Variants in NLK observed in about 807,000 individuals in gnomAD.
The protein encoded by NLK is serine/threonine-protein kinase NLK.
A neutral mutation model predicts 59.0 loss-of-function variants in NLK; 11 were observed. The observed-to-expected ratio is 0.19, with a 90% CI of 0.12 to 0.31. The LOEUF is 0.31. Among genes scored for constraint, NLK ranks in the 10% least tolerant of loss-of-function variants. NLK has a pLI of 1.00. For synonymous variants in NLK, 235 were observed against 235.9 expected (o/e 1.00, Z 0.03); for missense variants, 410 against 661.1 (o/e 0.62, Z 4.16).
intron 6 of NLK, among the ~76,000 whole-genome samples, chr17:28,170,194 A>G (rs1049701355): frequency 6.6e-6 from 1 of 152,236 alleles, no homozygotes; most frequent in African/African-American, 2.4e-5. Context: ...GCTGTAGGAA[A>G]TGAGGTCAGA....
At chr17:28,088,557 T>G (rs1904365440) in intron 1 of NLK, among the ~76,000 whole-genome samples, 1 of 152,250 alleles carries the variant, frequency 6.6e-6, no homozygotes, top group African/African-American at 2.4e-5. Context: ...GTTAATTAAC[T>G]TATGGATTTA....
intron 4 of NLK, among the ~76,000 whole-genome samples, chr17:28,163,325 A>G (rs1304412212): frequency 1.3e-5 from 2 of 152,220 alleles, no homozygotes; most frequent in Non-Finnish European, 1.5e-5. Flanking sequence ...TAAATTATAG[A>G]CATTATCTCT....
intron 8 of NLK, 66 bp downstream of exon 8, chr17:28,185,331 G>T: frequency 1.9e-6 from 2 of 1,064,258 alleles, no homozygotes; most frequent in Non-Finnish European, 2.7e-6. Flanking sequence ...GAGAAACATT[G>T]TGGTTTTGAA....
chr17:28,112,879 G>GT lies in NLK; in HGVS notation c.459-9715dup, dbSNP rs552431528. Reference sequence around the variant, plus strand: ...TTGTGTAATGATGAAGGAAATGTTTGTTTTTTTTTAAGCAAGCAGATTCCT... The same window carrying GT: ...TTGTGTAATGATGAAGGAAATGTTTGTTTTTTTTTTAAGCAAGCAGATTCCT... On this transcript the variant is annotated intron_variant, in intron 1 of 10. Coordinates refer to ENST00000407008, the MANE Select transcript of NLK (RefSeq NM_016231.5). 3.1e-3 allele frequency among the ~76,000 whole-genome samples: 467 copies of GT among 150,924 alleles called. 3 individuals are homozygous for GT. Among genetic ancestry groups the GT allele is most frequent in the South Asian group, 0.011 (54 of 4,774 alleles).
intron 3 of NLK, among the ~76,000 whole-genome samples, chr17:28,141,700 G>A (rs1259061936): frequency 6.6e-6 from 1 of 152,164 alleles, no homozygotes; most frequent in African/African-American, 2.4e-5. Flanking sequence ...TGTATTGGCA[G>A]TAAGAAGGAC....
intron 7 of NLK, among the ~76,000 whole-genome samples, chr17:28,181,161 G>A (rs1908888447): frequency 6.6e-6 from 1 of 152,134 alleles, no homozygotes; most frequent in South Asian, 2.1e-4. Context: ...CACTTGGGGA[G>A]TCCGAGGCAG....
chr17:28,065,974 AGAG>A (rs1235886382), intron 1 of NLK, among the ~76,000 whole-genome samples: 1 of 152,198 alleles, frequency 6.6e-6, no homozygotes, highest in Non-Finnish European at 1.5e-5. Flanking sequence ...CCTATTTCAC[AGAG>A]AAGATAAAGC....
At chr17:28,076,008 G>A (rs1424019022) in intron 1 of NLK, among the ~76,000 whole-genome samples, 1 of 152,118 alleles carries the variant, frequency 6.6e-6, no homozygotes, top group African/African-American at 2.4e-5. Context: ...CAGTTTTGTT[G>A]TCCTTTTTTT....
At chr17:28,168,025 T>G (rs1160674912) in intron 5 of NLK, among the ~76,000 whole-genome samples, 3 of 151,544 alleles carry the variant, frequency 2.0e-5, no homozygotes, top group African/African-American at 7.3e-5. Flanking sequence ...ACCTATATCA[T>G]TAAAAATGTT....
chr17:28,164,463 TA>T (rs1460286861), intron 5 of NLK, among the ~76,000 whole-genome samples: 1 of 152,202 alleles, frequency 6.6e-6, no homozygotes, highest in African/African-American at 2.4e-5. Flanking sequence ...AGCCAATTCT[TA>T]ATTATTCCTC....
Position 28,043,131 on chromosome 17 carries a change from C to T in NLK, c.258C>T (p.Asn86=), listed in dbSNP as rs755186700. 1 of 1,608,870 alleles carries T rather than the reference C, an allele frequency of 6.2e-7. No individual in the cohort carries two copies. Among genetic ancestry groups the T allele is most frequent in the Non-Finnish European group, 8.5e-7 (1 of 1,177,424 alleles). ...AAAAAAAAML[N]PGQQQPYFPS... ...CGGCTGCAGCTGCAGCCATGTTAAA[C>T]CCTGGGCAACAACAGCCATATTTCC... Residue 86 remains asparagine (N), a synonymous_variant, in exon 1 of 11, where the codon AAC becomes AAT. Transcript: ENST00000407008.
At chr17:28,153,506 T>C (rs1907573210) in intron 3 of NLK, among the ~76,000 whole-genome samples, 1 of 152,178 alleles carries the variant, frequency 6.6e-6, no homozygotes, top group Admixed American at 6.5e-5. Flanking sequence ...ATTAGGTCTC[T>C]TTTATAGAGA....
At chr17:28,118,047 C>T (rs1393711367) in intron 1 of NLK, among the ~76,000 whole-genome samples, 1 of 151,988 alleles carries the variant, frequency 6.6e-6, no homozygotes, top group Non-Finnish European at 1.5e-5. Context: ...ATAACAAGGA[C>T]CAAGGTAACA....
At position 28,152,606 on chromosome 17, in the gene NLK, C is replaced by T. The variant is rs561701930; in HGVS notation, c.645-8554C>T. ...AAACTCAGCAGATCTGGCTGACATCCCATACACATAAATGCTTTATACTTT... is the reference window on the plus strand; with the variant it reads ...AAACTCAGCAGATCTGGCTGACATCTCATACACATAAATGCTTTATACTTT... On this transcript the variant is annotated intron_variant, in intron 3 of 10. Coordinates refer to ENST00000407008, the MANE Select transcript of NLK (RefSeq NM_016231.5). Among the ~76,000 whole-genome samples the T allele has an allele frequency of 9.2e-5, 14 of 152,252 alleles. No homozygotes were observed. The East Asian group carries it at 2.3e-3, about 25-fold the overall frequency.
chr17:28,081,882 A>ATTTTG (rs994631088), intron 1 of NLK, among the ~76,000 whole-genome samples: 78 of 151,802 alleles, frequency 5.1e-4, no homozygotes, highest in Non-Finnish European at 5.9e-4. Flanking sequence ...AAATTCATGG[A>ATTTTG]TTTTGTTTTG....
chr17:28,131,970 G>C (rs1906537405), intron 2 of NLK, among the ~76,000 whole-genome samples: 2 of 151,972 alleles, frequency 1.3e-5, no homozygotes, highest in African/African-American at 4.8e-5. Flanking sequence ...TATTCAATAA[G>C]CACTGGCTTT....
chr17:28,084,367 C>T (rs545648013), intron 1 of NLK, among the ~76,000 whole-genome samples: 1 of 152,234 alleles, frequency 6.6e-6, no homozygotes, highest in Admixed American at 6.5e-5. Context: ...AAATAGGTTT[C>T]TTGAGTTAGG....
chr17:28,137,285 T>A (rs903203549), intron 3 of NLK, among the ~76,000 whole-genome samples: 1 of 152,198 alleles, frequency 6.6e-6, no homozygotes, highest in Non-Finnish European at 1.5e-5. Flanking sequence ...GCTATTGTTT[T>A]AGGCAAGTTC....
chr17:28,122,507 A>C, intron 1 of NLK, 96 bp from the exon 2 acceptor site: 1 of 1,316,234 alleles, frequency 7.6e-7, no homozygotes, highest in Non-Finnish European at 1.1e-6. Context: ...GTGTTTTAAG[A>C]TAAAGATATT....
Sources: gnomAD v4.1 joint callset for allele counts (sites outside exome capture counted in the v4.1 genomes callset) on GRCh38, gnomAD v4.1.1 for gene constraint, MANE v1.5 for transcripts, NCBI Gene and HGNC (gene_info 2026-07-23, HGNC 2026-07-21) for gene names.